BCL7A: variants seen among roughly 807,000 people sequenced by gnomAD.
BCL7A encodes B-cell CLL/lymphoma 7 protein family member A.
In BCL7A, 11 loss-of-function variants were observed where a neutral mutation model predicts 28.4. The ratio of observed to expected loss-of-function variants is 0.39; its 90% CI spans 0.24 to 0.64. The LOEUF is 0.64. Among genes scored for constraint, BCL7A ranks in the 30% least tolerant of loss-of-function variants. The pLI, the probability that BCL7A is intolerant of heterozygous loss-of-function variation, is 0.50. For missense variants in BCL7A, 222 were observed against 274.8 expected (o/e 0.81, Z 1.36); for synonymous variants, 123 against 103.3 (o/e 1.19, Z -1.15).
At chr12:122,049,057 T>C (rs1241438431) in intron 4 of BCL7A, among the ~76,000 whole-genome samples, 2 of 97,294 alleles carry the variant, frequency 2.1e-5, no homozygotes, top group Non-Finnish European at 4.1e-5. Flanking sequence ...TATATATACA[T>C]ATACACACAC....
At chr12:122,023,973 T>G (rs1883546260) in intron 1 of BCL7A, among the ~76,000 whole-genome samples, 1 of 152,234 alleles carries the variant, frequency 6.6e-6, no homozygotes, top group African/African-American at 2.4e-5. Flanking sequence ...TACTCCAGGT[T>G]CCCGGCTGGA....
intron 4 of BCL7A, among the ~76,000 whole-genome samples, chr12:122,050,498 GC>G (rs1884170139): frequency 6.6e-6 from 1 of 152,176 alleles, no homozygotes; most frequent in Non-Finnish European, 1.5e-5. Flanking sequence ...TCCCCTCATG[GC>G]CCCCGTGATC....
chr12:122,046,143 C>T (rs1324711707), intron 4 of BCL7A, among the ~76,000 whole-genome samples: 3 of 150,768 alleles, frequency 2.0e-5, no homozygotes, highest in Admixed American at 1.3e-4. Flanking sequence ...AGCAGCATTC[C>T]GGATGGTCTA....
chr12:122,043,490 G>A (rs188029414), intron 3 of BCL7A, among the ~76,000 whole-genome samples: 75 of 152,126 alleles, frequency 4.9e-4, no homozygotes, highest in African/African-American at 6.5e-4. Flanking sequence ...CCTACCACAC[G>A]GCCGGGTGCA....
chr12:122,038,346 C>T (rs536076558), intron 3 of BCL7A, among the ~76,000 whole-genome samples: 4 of 145,126 alleles, frequency 2.8e-5, no homozygotes, highest in South Asian at 2.2e-4. Context: ...GCAAGAAAAT[C>T]GCTTGAATCT....
intron 1 of BCL7A, among the ~76,000 whole-genome samples, chr12:122,030,167 G>C (rs910281416): frequency 2.0e-5 from 3 of 152,214 alleles, no homozygotes; most frequent in Admixed American, 1.3e-4. Context: ...GGCTCTCCTT[G>C]GCCGCCACGA....
At chr12:122,022,718 C>T (rs1883494992) in intron 1 of BCL7A, among the ~76,000 whole-genome samples, 1 of 149,264 alleles carries the variant, frequency 6.7e-6, no homozygotes, top group Non-Finnish European at 1.5e-5. Flanking sequence ...CCGCCCGCTC[C>T]CGCCTCCCGG....
chr12:122,028,629 G>A (rs1450041285), intron 1 of BCL7A, among the ~76,000 whole-genome samples: 1 of 152,092 alleles, frequency 6.6e-6, no homozygotes, highest in Non-Finnish European at 1.5e-5. Flanking sequence ...TCTGGGGTCC[G>A]AGCCCAAATC....
chr12:122,045,784 CTTT>C (rs1884063882), intron 4 of BCL7A, among the ~76,000 whole-genome samples: 1 of 151,868 alleles, frequency 6.6e-6, no homozygotes, highest in South Asian at 2.1e-4. Flanking sequence ...CAGCACGTGT[CTTT>C]TAAAAATAAA....
intron 1 of BCL7A, among the ~76,000 whole-genome samples, chr12:122,023,340 T>C (rs1883519752): frequency 6.6e-6 from 1 of 152,294 alleles, no homozygotes; most frequent in African/African-American, 2.4e-5. Flanking sequence ...GTCTCGACCC[T>C]TTATTTCGAG....
chr12:122,028,408 A>G (rs1883673765), intron 1 of BCL7A, among the ~76,000 whole-genome samples: 2 of 151,532 alleles, frequency 1.3e-5, no homozygotes, highest in South Asian at 4.2e-4. Context: ...TTACAAGTCA[A>G]TTACTTTTTT....
chr12:122,048,985 C>T (rs867594017), intron 4 of BCL7A, among the ~76,000 whole-genome samples: 4 of 145,088 alleles, frequency 2.8e-5, no homozygotes, highest in African/African-American at 7.7e-5. Flanking sequence ...CATGCCACTG[C>T]ACTCCAGCCT....
intron 4 of BCL7A, among the ~76,000 whole-genome samples, chr12:122,052,949 C>G (rs1002763768): frequency 2.7e-5 from 4 of 150,266 alleles, no homozygotes; most frequent in African/African-American, 9.8e-5. Flanking sequence ...CTTAGCCTCC[C>G]AAAGTGCTGG....
intron 3 of BCL7A, 59 bp downstream of exon 3, chr12:122,035,486 C>A: frequency 6.8e-7 from 1 of 1,474,040 alleles, no homozygotes; most frequent in South Asian, 1.2e-5. Context: ...GCCAAGCACT[C>A]GGTCATGTTT....
At chr12:122,053,417 T>C (rs764161845) in intron 4 of BCL7A, among the ~76,000 whole-genome samples, 2 of 152,096 alleles carry the variant, frequency 1.3e-5, no homozygotes, top group East Asian at 1.9e-4. Flanking sequence ...ACTGTCTCCT[T>C]CTTCTTCCCA....
At position 122,060,812 on chromosome 12, in the gene BCL7A, T is replaced by G; in HGVS notation, c.*1649T>G. ...TCTTATTTTTTTTTTTAAGGGATCC[T>G]GTCTATTTCCTGCACTTCGAGAAGA... On this transcript the variant is annotated 3_prime_UTR_variant, in exon 6 of 6. Transcript: ENST00000261822. 8.7e-6 allele frequency: 2 copies of G among 229,310 alleles called. No homozygotes were observed. The highest frequency in any genetic ancestry group is 6.2e-5 in the East Asian group (1 of 16,064). 14.2% of individuals were successfully genotyped at this position (229,310 alleles called of 1,614,324 possible).
rs1883690014 is a variant in BCL7A at position 122,029,201 on chromosome 12, T to G, written c.93-1499T>G. ...CCGGATGAGCCGGCACAGTCCTTGG[T>G]ACATAGAAGGCGCTAGGAATGGCCA... On this transcript the variant is annotated intron_variant, in intron 1 of 5. Coordinates refer to ENST00000261822, the MANE Select transcript of BCL7A (RefSeq NM_001024808.3). This position sits in a 1 kb window ranked among gnomAD's most constrained non-coding sequence, Gnocchi z 4.3. Among the ~76,000 whole-genome samples, 1 of 152,132 alleles carries G rather than the reference T, an allele frequency of 6.6e-6. No homozygotes were observed. Among genetic ancestry groups the G allele is most frequent in the African/African-American group, 2.4e-5 (1 of 41,420 alleles).
intron 3 of BCL7A, among the ~76,000 whole-genome samples, chr12:122,037,557 C>T (rs1251342949): frequency 6.6e-6 from 1 of 152,288 alleles, no homozygotes; most frequent in East Asian, 1.9e-4. Context: ...GTGGCTCATG[C>T]CTGTAATCCT....
At chr12:122,055,314 C>T (rs910663139) in intron 5 of BCL7A, among the ~76,000 whole-genome samples, 1 of 152,174 alleles carries the variant, frequency 6.6e-6, no homozygotes, top group African/African-American at 2.4e-5. Flanking sequence ...GTGGGGCCTC[C>T]GACGGAGCGG....
Sources: gnomAD v4.1 joint callset for allele counts (sites outside exome capture counted in the v4.1 genomes callset) on GRCh38, gnomAD v4.1.1 for gene constraint, Gnocchi (gnomAD v3.1) non-coding constraint, MANE v1.5 for transcripts, NCBI Gene and HGNC (gene_info 2026-07-23, HGNC 2026-07-21) for gene names.